NKX6-1: variants seen among roughly 807,000 people sequenced by gnomAD.
NKX6-1 encodes the protein NK6 homeobox 1.
In NKX6-1, 11 loss-of-function variants were observed where a neutral mutation model predicts 24.9. The observed-to-expected ratio is 0.44, with a 90% CI of 0.28 to 0.73. The LOEUF (loss-of-function observed/expected upper bound fraction) is 0.73. NKX6-1 is among the 30% of genes least tolerant of loss of function. The probability of loss-of-function intolerance (pLI) is 0.15; values close to 1 mark genes in which losing one functional copy is unlikely to be tolerated. For synonymous variants in NKX6-1, 277 were observed against 242.9 expected (o/e 1.14, Z -1.31); for missense variants, 487 against 502.9 (o/e 0.97, Z 0.30).
Position 84,493,754 on chromosome 4 carries a change from A to G in NKX6-1, c.844-205T>C, listed in dbSNP as rs1234114375. ...TTCCCCCTGAGTAACTGGCACCAAC[A>G]AACTGACTGCCGTTGCCATAGCGAT... On this transcript the variant is annotated intron_variant, in intron 2 of 2. Coordinates refer to ENST00000295886, the MANE Select transcript of NKX6-1 (RefSeq NM_006168.3). This position sits in a 1 kb window ranked among gnomAD's most constrained non-coding sequence, Gnocchi z 5.1. Among the ~76,000 whole-genome samples, 2 of 152,162 alleles carry G rather than the reference A, an allele frequency of 1.3e-5. No homozygotes were observed. Among genetic ancestry groups the G allele is most frequent in the Admixed American group, 1.3e-4 (2 of 15,284 alleles).
Position 84,493,647 on chromosome 4 carries a change from C to A in NKX6-1, c.844-98G>T. ...CCACTCCCGCATCTCGATGGCCCTCCCGCGGCCCCCCGAAGGCCTGCTGCC... is the reference window on the plus strand; with the variant it reads ...CCACTCCCGCATCTCGATGGCCCTCACGCGGCCCCCCGAAGGCCTGCTGCC... On this transcript the variant is annotated intron_variant, in intron 2 of 2. Coordinates refer to ENST00000295886, the MANE Select transcript of NKX6-1 (RefSeq NM_006168.3). This position sits in a 1 kb window ranked among gnomAD's most constrained non-coding sequence, Gnocchi z 5.1. The A allele has an allele frequency of 2.7e-6, 4 of 1,455,606 alleles. No individual in the cohort carries two copies. Among genetic ancestry groups the A allele is most frequent in the Non-Finnish European group, 3.7e-6 (4 of 1,072,842 alleles). 90.2% of individuals were successfully genotyped at this position (1,455,606 alleles called of 1,614,324 possible).
chr4:84,497,685 C>T lies in NKX6-1; in HGVS notation c.544G>A (p.Ala182Thr). 2 of 1,271,320 alleles carry T rather than the reference C, an allele frequency of 1.6e-6. No homozygotes were observed. Among genetic ancestry groups the T allele is most frequent in the Non-Finnish European group, 2.0e-6 (2 of 1,004,870 alleles). 78.8% of individuals were successfully genotyped at this position (1,271,320 alleles called of 1,614,324 possible). A position where few individuals can be genotyped will look rare whatever the true frequency, so the allele number is the denominator to read the frequency against. Reference sequence around the variant, plus strand: ...TACCGGCCCACGGCGGCCACGGCCGCGGCGCTGGGGCTGAAGTAGAGCCCG... The same window carrying T: ...TACCGGCCCACGGCGGCCACGGCCGTGGCGCTGGGGCTGAAGTAGAGCCCG... ...PPGLYFSPSA[A>T]AVAAVGRYPK... The change falls in exon 1 of 3, where the codon GCG (alanine) becomes ACG (threonine). Residue 182 changes from alanine to threonine, a missense_variant. Transcript: ENST00000295886. The surrounding 1 kb of genome is among the most constrained non-coding windows in gnomAD (Gnocchi z 4.8).
At position 84,498,257 on chromosome 4, in the gene NKX6-1, T is replaced by C. The variant is rs754743661; in HGVS notation, c.-29A>G. On this transcript the variant is annotated 5_prime_UTR_variant, in exon 1 of 3. Transcript: ENST00000295886. ...ACGGCCACGCCGGAGACCGTAGCCT[T>C]GCAGCGAGGGCGCTGGCTGGTGCCC... 1 of 1,291,952 alleles carries C rather than the reference T, an allele frequency of 7.7e-7. No homozygotes were observed. The highest frequency in any genetic ancestry group is 9.8e-7 in the Non-Finnish European group (1 of 1,019,706). The allele number at this position is 1,291,952 out of a possible 1,614,324, so 80.0% of individuals were successfully genotyped here.
In NKX6-1 at chr4:84,493,519, T is replaced by G; in HGVS notation, c.874A>C (p.Arg292=). The change falls in exon 3 of 3, where the codon AGG becomes CGG. Residue 292 remains arginine, a synonymous_variant. Coordinates refer to ENST00000295886, the MANE Select transcript of NKX6-1 (RefSeq NM_006168.3). This position sits in a 1 kb window ranked among gnomAD's most constrained non-coding sequence, Gnocchi z 5.1. The stretch of plus-strand genomic sequence containing the variant: ...GCCATCTCGGCAGCGTGCTTCTTCC[T>G]CCACTTGGTCCGGCGGTTCTGGAAC... ...VWFQNRRTKW[R]KKHAAEMATA... 6.2e-7 allele frequency: 1 copy of G among 1,614,194 alleles called. No individual in the cohort carries two copies.
At chr4:84,496,184 G>A (rs1451268001) in intron 1 of NKX6-1, among the ~76,000 whole-genome samples, 1 of 151,854 alleles carries the variant, frequency 6.6e-6, no homozygotes, top group African/African-American at 2.4e-5. Context: ...GGCCACTCTC[G>A]CCTCCTAATC....
Position 84,495,667 on chromosome 4 carries a change from C to T in NKX6-1, c.843+5G>A, listed in dbSNP as rs1720804669. The T allele has an allele frequency of 6.2e-7, 1 of 1,611,306 alleles. No individual in the cohort carries two copies. Among genetic ancestry groups the T allele is most frequent in the Non-Finnish European group, 8.5e-7 (1 of 1,179,228 alleles). On this transcript the variant is annotated splice_donor_5th_base_variant and intron_variant, in intron 2 of 2. Coordinates refer to ENST00000295886, the MANE Select transcript of NKX6-1 (RefSeq NM_006168.3). ...TATCCCTCCAGGTATGCAAGGTCCA[C>T]TCACCTTGACCTGACTCTCTGTCAT...
At position 84,493,729 on chromosome 4, in the gene NKX6-1, T is replaced by C. The variant is rs1209246332; in HGVS notation, c.844-180A>G. On this transcript the variant is annotated intron_variant, in intron 2 of 2. Coordinates refer to ENST00000295886, the MANE Select transcript of NKX6-1 (RefSeq NM_006168.3). The surrounding 1 kb of genome is among the most constrained non-coding windows in gnomAD (Gnocchi z 5.1). ...CAAAGTCAGTCTCCGTCGCCCCAAG[T>C]TCCCCCTGAGTAACTGGCACCAACA... Among the ~76,000 whole-genome samples the C allele has an allele frequency of 1.3e-5, 2 of 152,160 alleles. No individual in the cohort carries two copies. The highest frequency in any genetic ancestry group is 2.9e-5 in the Non-Finnish European group (2 of 68,012).
At position 84,493,651 on chromosome 4, in the gene NKX6-1, G is replaced by T; in HGVS notation, c.844-102C>A. 6.9e-7 allele frequency: 1 copy of T among 1,458,320 alleles called. No individual in the cohort carries two copies. The highest frequency in any genetic ancestry group is 9.3e-7 in the Non-Finnish European group (1 of 1,075,342). 90.3% of individuals were successfully genotyped at this position (1,458,320 alleles called of 1,614,324 possible). On this transcript the variant is annotated intron_variant, in intron 2 of 2. Coordinates refer to ENST00000295886, the MANE Select transcript of NKX6-1 (RefSeq NM_006168.3). This position sits in a 1 kb window ranked among gnomAD's most constrained non-coding sequence, Gnocchi z 5.1. ...TCCCGCATCTCGATGGCCCTCCCGCGGCCCCCCGAAGGCCTGCTGCCCTCC... is the reference window on the plus strand; with the variant it reads ...TCCCGCATCTCGATGGCCCTCCCGCTGCCCCCCGAAGGCCTGCTGCCCTCC...
rs751244286 is a variant in NKX6-1, at chr4:84,499,245, C to G, written c.-1017G>C. On this transcript the variant is annotated 5_prime_UTR_variant, in exon 1 of 3. Transcript: ENST00000295886. Reference sequence around the variant, plus strand: ...GCTCCTCCGCTCTTTCTCTCCTTTCCTCTCTCCCTCCGGGCCTGACAGTTC... The same window carrying G: ...GCTCCTCCGCTCTTTCTCTCCTTTCGTCTCTCCCTCCGGGCCTGACAGTTC... Among the ~76,000 whole-genome samples the G allele has an allele frequency of 2.6e-5, 4 of 152,244 alleles. No homozygotes were observed. Among genetic ancestry groups the G allele is most frequent in the African/African-American group, 4.8e-5 (2 of 41,458 alleles).
rs754297558 is a variant in NKX6-1 at position 84,497,848 on chromosome 4, AGAG to A, written c.378_380del (p.Ser130del). 4.5e-5 allele frequency: 57 copies of A among 1,271,874 alleles called. No homozygotes were observed. Among genetic ancestry groups the A allele is most frequent in the South Asian group, 3.4e-4 (11 of 32,666 alleles). The allele number at this position is 1,271,874 out of a possible 1,614,324, so 78.8% of individuals were successfully genotyped here. A position where few individuals can be genotyped will look rare whatever the true frequency, so the allele number is the denominator to read the frequency against. The stretch of plus-strand genomic sequence containing the variant: ...CGGAGGAGGCAGAGGCGGACGAGGA[AGAG>A]GAGGAGGAGGAACCGGAGGGCGAGG... On this transcript the variant is annotated inframe_deletion, in exon 1 of 3. Transcript: ENST00000295886. This position sits in a 1 kb window ranked among gnomAD's most constrained non-coding sequence, Gnocchi z 4.8.
rs774580145 is a variant in NKX6-1 at position 84,493,442 on chromosome 4, C to T, written c.951G>A (p.Ser317=). 5.0e-6 allele frequency: 8 copies of T among 1,614,156 alleles called. No individual in the cohort carries two copies. The South Asian group carries it at 5.5e-5, about 11-fold the overall frequency. ...DSETERLKGA[S]ENEEEDDDYN... ...AGTCGTCGTCCTCTTCCTCGTTCTC[C>T]GAGGCCCCCTTGAGGCGCTCTGTCT... The change falls in exon 3 of 3, where the codon TCG becomes TCA. Residue 317 remains serine, a synonymous_variant. Transcript: ENST00000295886. The surrounding 1 kb of genome is among the most constrained non-coding windows in gnomAD (Gnocchi z 5.1).
chr4:84,495,318 A>G (rs1419729546), intron 2 of NKX6-1, among the ~76,000 whole-genome samples: 2 of 152,252 alleles, frequency 1.3e-5, no homozygotes, highest in Non-Finnish European at 1.5e-5. Flanking sequence ...TAGGATATGT[A>G]GAAGCTGTCT....
intron 1 of NKX6-1, 128 bp from the exon 2 acceptor site, chr4:84,495,972 C>A: frequency 1.1e-6 from 1 of 932,102 alleles, no homozygotes; most frequent in East Asian, 2.5e-5. Flanking sequence ...GTGGCGGACA[C>A]CAGAAGTGTA....
chr4:84,496,242 ATT>A (rs746665259), intron 1 of NKX6-1, among the ~76,000 whole-genome samples: 2 of 145,854 alleles, frequency 1.4e-5, no homozygotes, highest in South Asian at 2.2e-4. Context: ...GAATAACTAG[ATT>A]TTTTTTTTTT....
At position 84,497,583 on chromosome 4, in the gene NKX6-1, C is replaced by T; in HGVS notation, c.646G>A (p.Asp216Asn). The change falls in exon 1 of 3, where the codon GAC (aspartate) becomes AAC (asparagine). Residue 216 changes from aspartate to asparagine, a missense_variant. Asp to Asn is a conservative substitution (Grantham distance 23). This residue lies in a region of NKX6-1 where 316 missense variants were observed against 311.4 expected (regional missense o/e 1.01). Coordinates refer to ENST00000295886, the MANE Select transcript of NKX6-1 (RefSeq NM_006168.3). This position sits in a 1 kb window ranked among gnomAD's most constrained non-coding sequence, Gnocchi z 4.8. ...CGAGGGGTACAGGCCAGGCGTGCGTCCCTCCAGGGCGGGCTCTGCATCACT... is the reference window on the plus strand; with the variant it reads ...CGAGGGGTACAGGCCAGGCGTGCGTTCCTCCAGGGCGGGCTCTGCATCACT... ...PGVMQSPPWR[D>N]ARLACTPHQG... The T allele has an allele frequency of 7.9e-7, 1 of 1,266,486 alleles. No individual in the cohort carries two copies. Among genetic ancestry groups the T allele is most frequent in the South Asian group, 3.6e-5 (1 of 27,906 alleles). 78.5% of individuals were successfully genotyped at this position (1,266,486 alleles called of 1,614,324 possible). A position where few individuals can be genotyped will look rare whatever the true frequency, so the allele number is the denominator to read the frequency against.
chr4:84,496,750 C>G (rs1427453902), intron 1 of NKX6-1: 1 of 152,420 alleles, frequency 6.6e-6, no homozygotes, highest in East Asian at 1.9e-4. Context: ...GTACATTTTC[C>G]CCAGGCCGTG....
intron 2 of NKX6-1, among the ~76,000 whole-genome samples, chr4:84,494,505 T>C (rs1720783252): frequency 6.6e-6 from 1 of 152,260 alleles, no homozygotes; most frequent in Admixed American, 6.5e-5. Context: ...TTATGTATTT[T>C]ATCTAGAGAA....
rs1037363552 is a variant in NKX6-1 at position 84,499,055 on chromosome 4, C to T, written c.-827G>A. Among the ~76,000 whole-genome samples the T allele has an allele frequency of 6.6e-6, 1 of 152,234 alleles. No individual in the cohort carries two copies. The highest frequency in any genetic ancestry group is 1.5e-5 in the Non-Finnish European group (1 of 68,050). On this transcript the variant is annotated 5_prime_UTR_variant, in exon 1 of 3. Transcript: ENST00000295886. Reference sequence around the variant, plus strand: ...CTGACGGCTGGGTTTCGGCGCCGCTCGTCAGTCCACTTCTGCAAACGGGCC... The same window carrying T: ...CTGACGGCTGGGTTTCGGCGCCGCTTGTCAGTCCACTTCTGCAAACGGGCC...
intron 2 of NKX6-1, among the ~76,000 whole-genome samples, chr4:84,495,132 T>C (rs1041340077): frequency 3.9e-5 from 6 of 152,250 alleles, no homozygotes; most frequent in Non-Finnish European, 8.8e-5. Flanking sequence ...TCCAAAGCGA[T>C]TGCCTTAAGC....
Sources: allele counts gnomAD v4.1 joint callset (sites outside exome capture counted in the v4.1 genomes callset), GRCh38; gene constraint gnomAD v4.1.1; regional missense constraint gnomAD v4.1.1; non-coding constraint Gnocchi (gnomAD v3.1); transcripts MANE v1.5; gene names NCBI Gene and HGNC (gene_info 2026-07-23, HGNC 2026-07-21).